The following AKT3 variants were observed in gnomAD, a reference collection of about 807,000 sequenced individuals.
The protein encoded by AKT3 is RAC-gamma serine/threonine-protein kinase.
In AKT3, 15 loss-of-function variants were observed where a neutral mutation model predicts 65.3. That is an observed-to-expected ratio of 0.23 (90% CI 0.15 to 0.35). AKT3 has a LOEUF of 0.35. Among genes scored for constraint, AKT3 ranks in the 10% least tolerant of loss-of-function variants. The pLI is 1.00. For missense variants in AKT3, 243 were observed against 576.5 expected, an observed-to-expected ratio of 0.42 and a Z score of 5.92; for synonymous variants, 206 against 183.8, an observed-to-expected ratio of 1.12 and a Z score of -0.98.
At chr1:243,848,423 AC>A (rs1036461316) in intron 1 of AKT3, among the ~76,000 whole-genome samples, 56 of 151,978 alleles carry the variant, frequency 3.7e-4, no homozygotes, top group Non-Finnish European at 1.2e-4. Flanking sequence ...TTAGACAACC[AC>A]CCCCGGAATG....
intron 10 of AKT3, among the ~76,000 whole-genome samples, chr1:243,556,080 GCA>G (rs1673389857): frequency 6.6e-6 from 1 of 152,002 alleles, no homozygotes; most frequent in African/African-American, 2.4e-5. Flanking sequence ...CTTAAACAGA[GCA>G]CAAAGTCTAG....
intron 2 of AKT3, among the ~76,000 whole-genome samples, chr1:243,774,535 T>C (rs949271415): frequency 6.6e-6 from 1 of 152,222 alleles, no homozygotes; most frequent in African/African-American, 2.4e-5. Context: ...GAAGCATACC[T>C]GCCTTCTTAT....
chr1:243,752,859 T>C (rs1161704972), intron 2 of AKT3, among the ~76,000 whole-genome samples: 2 of 152,206 alleles, frequency 1.3e-5, no homozygotes, highest in Non-Finnish European at 2.9e-5. Context: ...GCTCTTGGGA[T>C]GAAAGTGTGG....
chr1:243,496,683 T>A (rs1378984425), downstream of AKT3, among the ~76,000 whole-genome samples: 2 of 152,196 alleles, frequency 1.3e-5, no homozygotes, highest in African/African-American at 2.4e-5. Context: ...CACTTCTGGC[T>A]GGTTTGGGAA....
At chr1:243,571,689 G>GAA (rs1333767330) in intron 9 of AKT3, among the ~76,000 whole-genome samples, 1 of 152,172 alleles carries the variant, frequency 6.6e-6, no homozygotes, top group Non-Finnish European at 1.5e-5. Flanking sequence ...TTCCTTTAAA[G>GAA]AAATTGATAT....
At chr1:243,687,430 T>G (rs948433492) in intron 3 of AKT3, 2 of 152,118 alleles carry the variant, frequency 1.3e-5, no homozygotes, top group Admixed American at 1.3e-4. Flanking sequence ...ATGAAGGAAC[T>G]ATTAAAATAG....
At chr1:243,537,492 T>C (rs895211500) in intron 12 of AKT3, among the ~76,000 whole-genome samples, 4 of 152,200 alleles carry the variant, frequency 2.6e-5, no homozygotes, top group Admixed American at 1.3e-4. Context: ...CTCAATTTCT[T>C]GATAATTTCT....
chr1:243,741,220 G>A (rs1201249554), intron 2 of AKT3, among the ~76,000 whole-genome samples: 1 of 152,062 alleles, frequency 6.6e-6, no homozygotes, highest in African/African-American at 2.4e-5. Flanking sequence ...CCTGTATTCT[G>A]GGCAGAAATT....
chr1:243,602,095 T>G (rs1677050533), intron 8 of AKT3, among the ~76,000 whole-genome samples: 1 of 152,250 alleles, frequency 6.6e-6, no homozygotes, highest in South Asian at 2.1e-4. Flanking sequence ...TTTAGATTTG[T>G]AAGCAAGCAT....
At position 243,493,099 on chromosome 1, in the gene AKT3, C is replaced by T. The variant is rs530230550; in HGVS notation, c.*7-4649G>A. 2.6e-5 allele frequency among the ~76,000 whole-genome samples: 4 copies of T among 152,154 alleles called. No homozygotes were observed. The South Asian group carries it at 6.2e-4, about 24-fold the overall frequency. On this transcript the variant is annotated intron_variant, in intron 13 of 13. Coordinates refer to the AKT3 transcript ENST00000336199. ...ATGCAGTTCCCCACACTCTGTATTC[C>T]GGGAGGGTCAGGGCCTCCAGACACA...
downstream of AKT3, among the ~76,000 whole-genome samples, chr1:243,496,342 G>A (rs1016722227): frequency 6.6e-6 from 1 of 151,168 alleles, no homozygotes; most frequent in African/African-American, 2.4e-5. Flanking sequence ...GGCGGAGGCG[G>A]GAGGCGAGCC....
intron 2 of AKT3, among the ~76,000 whole-genome samples, chr1:243,745,494 A>C (rs4658590): frequency 6.6e-6 from 1 of 152,042 alleles, no homozygotes; most frequent in South Asian, 2.1e-4. Context: ...AAACAGGAAA[A>C]GTGATTTGCC....
chr1:243,849,384 ACAC>A (rs1558869324), intron 1 of AKT3, among the ~76,000 whole-genome samples: 2 of 81,328 alleles, frequency 2.5e-5, no homozygotes, highest in East Asian at 7.7e-4. Flanking sequence ...TCCCACACAC[ACAC>A]CCCCCCCCCC....
intron 12 of AKT3, among the ~76,000 whole-genome samples, chr1:243,543,632 A>T (rs922469702): frequency 6.6e-6 from 1 of 152,208 alleles, no homozygotes; most frequent in Non-Finnish European, 1.5e-5. Context: ...TGAAAACAGT[A>T]CACAGCTCAT....
intron 12 of AKT3, among the ~76,000 whole-genome samples, chr1:243,527,528 A>G (rs1327866327): frequency 6.6e-6 from 1 of 152,166 alleles, no homozygotes; most frequent in Non-Finnish European, 1.5e-5. Context: ...ACAAGGCTTT[A>G]GCAGTCAGCA....
At chr1:243,646,511 T>A (rs369977041) in intron 4 of AKT3, among the ~76,000 whole-genome samples, 3 of 151,960 alleles carry the variant, frequency 2.0e-5, no homozygotes, top group Non-Finnish European at 4.4e-5. Flanking sequence ...TGTGACACAA[T>A]GCCTGACTAA....
intron 8 of AKT3, among the ~76,000 whole-genome samples, chr1:243,602,498 T>C (rs1677085400): frequency 6.6e-6 from 1 of 152,136 alleles, no homozygotes; most frequent in South Asian, 2.1e-4. Context: ...TAAATTAATT[T>C]AAAAATCACC....
intron 2 of AKT3, among the ~76,000 whole-genome samples, chr1:243,822,069 C>T (rs1307641542): frequency 6.6e-6 from 1 of 151,782 alleles, no homozygotes; most frequent in African/African-American, 2.4e-5. Flanking sequence ...AACTGAAATC[C>T]TAACAGTCTC....
intron 2 of AKT3, among the ~76,000 whole-genome samples, chr1:243,721,836 C>T (rs1228318555): frequency 3.3e-5 from 5 of 152,096 alleles, no homozygotes; most frequent in Non-Finnish European, 7.4e-5. Context: ...ACTCCTGTTG[C>T]TTCCAGGCAA....
Sources: allele counts gnomAD v4.1 joint callset (sites outside exome capture counted in the v4.1 genomes callset), GRCh38; gene constraint gnomAD v4.1.1; transcripts MANE v1.5; gene names NCBI Gene and HGNC (gene_info 2026-07-23, HGNC 2026-07-21).